Variants in DOCK2 observed in about 807,000 individuals in gnomAD.
The protein encoded by DOCK2 is dedicator of cytokinesis 2, also known as dedicator of cytokinesis protein 2.
In DOCK2, 87 loss-of-function variants were observed where a neutral mutation model predicts 248.9. The observed-to-expected ratio is 0.35, with a 90% CI of 0.29 to 0.42. The LOEUF (loss-of-function observed/expected upper bound fraction) is 0.42. Ranked by LOEUF, DOCK2 falls within the 10% of genes least tolerant of loss-of-function variation. The pLI is 1.00. For synonymous variants in DOCK2, 805 were observed against 821.6 expected, an observed-to-expected ratio of 0.98 and a Z score of 0.35; for missense variants, 1,747 against 2,300.2, an observed-to-expected ratio of 0.76 and a Z score of 4.92.
intron 27 of DOCK2, among the ~76,000 whole-genome samples, chr5:169,891,576 G>A (rs1208633658): frequency 1.3e-5 from 2 of 151,958 alleles, no homozygotes; most frequent in African/African-American, 2.4e-5. Context: ...AAATGTAGGG[G>A]ACTCAGTCCT....
At chr5:169,909,627 T>G (rs1168712377) in intron 27 of DOCK2, among the ~76,000 whole-genome samples, 2 of 152,216 alleles carry the variant, frequency 1.3e-5, no homozygotes, top group African/African-American at 4.8e-5. Flanking sequence ...ACATATCTTC[T>G]AAGTTGCAGA....
chr5:169,888,035 T>C (rs1208181181), intron 27 of DOCK2, among the ~76,000 whole-genome samples: 1 of 152,100 alleles, frequency 6.6e-6, no homozygotes, highest in Admixed American at 6.5e-5. Flanking sequence ...TTGATACAAA[T>C]AAAGGCTGAA....
intron 27 of DOCK2, among the ~76,000 whole-genome samples, chr5:169,925,519 G>A (rs1371475061): frequency 7.2e-6 from 1 of 139,570 alleles, no homozygotes; most frequent in Non-Finnish European, 1.5e-5. Context: ...GGTGGAGATT[G>A]CAATGAGCTA....
intron 26 of DOCK2, among the ~76,000 whole-genome samples, chr5:169,806,694 G>A (rs1206182605): frequency 6.6e-6 from 1 of 152,090 alleles, no homozygotes; most frequent in Non-Finnish European, 1.5e-5. Flanking sequence ...ACCTTTGAGT[G>A]GTGTCTTCCC....
chr5:170,015,054 C>G (rs1478462524), intron 32 of DOCK2, among the ~76,000 whole-genome samples: 1 of 152,156 alleles, frequency 6.6e-6, no homozygotes, highest in Non-Finnish European at 1.5e-5. Flanking sequence ...AAATGACCAG[C>G]CTGAAAATTT....
rs546278419 is a variant in DOCK2 at position 169,656,552 on chromosome 5, A to AT, written c.127+2068dup. Among the ~76,000 whole-genome samples, 49 of 152,180 alleles carry AT rather than the reference A, an allele frequency of 3.2e-4. 2 individuals are homozygous for AT. In the South Asian group the frequency reaches 9.3e-3, roughly 29 times the overall value. On this transcript the variant is annotated intron_variant, in intron 2 of 51. Coordinates refer to ENST00000520908, the MANE Select transcript of DOCK2 (RefSeq NM_004946.3). ...GGTCTCAAACACCTGGCCCTAGGTG[A>AT]TTCGTGCACCTCGGCCTCCCAAAGT...
chr5:169,801,146 G>GGTTTTTTTTTTTTT, intron 25 of DOCK2, among the ~76,000 whole-genome samples: 1 of 76,052 alleles, frequency 1.3e-5, no homozygotes, highest in Non-Finnish European at 2.8e-5. Context: ...ATAGTTTTGG[G>GGTTTTTTTTTTTTT]TTTTTTTTTT....
intron 25 of DOCK2, among the ~76,000 whole-genome samples, chr5:169,773,816 G>A (rs1276809004): frequency 6.6e-6 from 1 of 152,038 alleles, no homozygotes; most frequent in Non-Finnish European, 1.5e-5. Flanking sequence ...AATCATGGGG[G>A]CAGTTTCCCT....
chr5:169,914,343 A>T (rs1159623034), intron 27 of DOCK2, among the ~76,000 whole-genome samples: 1 of 152,188 alleles, frequency 6.6e-6, no homozygotes, highest in African/African-American at 2.4e-5. Flanking sequence ...TCTTTGGTTA[A>T]TCTCACTGAT....
intron 2 of DOCK2, among the ~76,000 whole-genome samples, chr5:169,663,479 T>G (rs1173308106): frequency 6.6e-6 from 1 of 152,212 alleles, no homozygotes; most frequent in Non-Finnish European, 1.5e-5. Context: ...ACTGCCCTAG[T>G]AGAGGTTATC....
intron 22 of DOCK2, among the ~76,000 whole-genome samples, chr5:169,733,685 G>A (rs1043108945): frequency 2.6e-5 from 4 of 151,948 alleles, no homozygotes; most frequent in East Asian, 1.9e-4. Flanking sequence ...TCTGAAACTC[G>A]AAAGGAAGTT....
At position 169,716,275 on chromosome 5, in the gene DOCK2, A is replaced by G. The variant is rs1761910901; in HGVS notation, c.2004A>G (p.Glu668=). Residue 668 remains glutamate, a synonymous_variant, in exon 20 of 52, where the codon GAA becomes GAG. Transcript: ENST00000520908. ...TGATGGAGCATTCTCAAAGTGATGAATATGACATCCTCGTCTTTGATGCCT... is the reference window on the plus strand; with the variant it reads ...TGATGGAGCATTCTCAAAGTGATGAGTATGACATCCTCGTCTTTGATGCCT... ...NIMMEHSQSD[E]YDILVFDALI... 1 of 1,613,626 alleles carries G rather than the reference A, an allele frequency of 6.2e-7. No individual in the cohort carries two copies. The highest frequency in any genetic ancestry group is 1.7e-5 in the Admixed American group (1 of 59,990).
At position 169,950,146 on chromosome 5, in the gene DOCK2, T is replaced by C. The variant is rs371817529; in HGVS notation, c.2800-32922T>C. ...TCTCCCTCTTTCTGTTCTACTATCA[T>C]GAGATGAGACAGGAGCCATCGTGGA... On this transcript the variant is annotated intron_variant, in intron 27 of 51. Transcript: ENST00000520908. 3.6e-4 allele frequency among the ~76,000 whole-genome samples: 55 copies of C among 152,220 alleles called. No homozygotes were observed. The South Asian group carries it at 0.011, about 30-fold the overall frequency.
chr5:169,662,465 T>G (rs923775107), intron 2 of DOCK2, among the ~76,000 whole-genome samples: 25 of 152,212 alleles, frequency 1.6e-4, no homozygotes, highest in African/African-American at 5.8e-4. Context: ...GTAGTCAGGA[T>G]TCACACTCTT....
intron 22 of DOCK2, among the ~76,000 whole-genome samples, chr5:169,739,534 G>A (rs561029198): frequency 6.6e-6 from 1 of 152,160 alleles, no homozygotes; most frequent in Non-Finnish European, 1.5e-5. Context: ...TAAAATAAGT[G>A]TATATAATGG....
chr5:169,949,274 CCTGTT>C (rs1776565392), intron 27 of DOCK2, among the ~76,000 whole-genome samples: 2 of 152,200 alleles, frequency 1.3e-5, no homozygotes, highest in South Asian at 4.1e-4. Context: ...TCCTTGCCCT[CCTGTT>C]CTTTACTTCC....
At chr5:169,718,551 G>T in intron 21 of DOCK2, 106 bp from the exon 22 acceptor site, 1 of 1,245,310 alleles carries the variant, frequency 8.0e-7, no homozygotes, top group Non-Finnish European at 1.1e-6. Flanking sequence ...AGTGAGCTTG[G>T]CTCTACTACC....
chr5:169,654,537 C>CTA, intron 2 of DOCK2, 51 bp downstream of exon 2: 1 of 1,597,204 alleles, frequency 6.3e-7, no homozygotes, highest in Non-Finnish European at 8.6e-7. Flanking sequence ...TGATGGAAGC[C>CTA]TATAGTACAC....
intron 1 of DOCK2, among the ~76,000 whole-genome samples, chr5:169,637,889 T>A (rs534878125): frequency 6.6e-6 from 1 of 152,252 alleles, no homozygotes; most frequent in Non-Finnish European, 1.5e-5. Context: ...GGAATGGGGC[T>A]GGACGGTGGG....
Sources: allele counts gnomAD v4.1 joint callset (sites outside exome capture counted in the v4.1 genomes callset), GRCh38; gene constraint gnomAD v4.1.1; transcripts MANE v1.5; gene names NCBI Gene and HGNC (gene_info 2026-07-23, HGNC 2026-07-21).